UTS2: variants seen among roughly 807,000 people sequenced by gnomAD.
UTS2 encodes the protein urotensin 2.
A neutral mutation model predicts 12.6 loss-of-function variants in UTS2; 10 were observed. That is an observed-to-expected ratio of 0.80 (90% confidence interval 0.49 to 1.35). The LOEUF is 1.35. Among genes scored for constraint, UTS2 ranks in the 40% most tolerant of loss-of-function variants. The pLI is 0.00. For missense variants in UTS2, 142 were observed against 143.2 expected (o/e 0.99, Z 0.04); for synonymous variants, 52 against 50.0 (o/e 1.04, Z -0.17).
chr1:7,863,120 ATTGTAT>A, the UTS2 span, among the ~76,000 whole-genome samples: 2 of 149,348 alleles, frequency 1.3e-5, no homozygotes, highest in Admixed American at 6.7e-5. Flanking sequence ...ATTGTATTGT[ATTGTAT>A]TTGAGACGAA....
intron 3 of UTS2, among the ~76,000 whole-genome samples, chr1:7,848,475 A>T (rs923354792): frequency 6.6e-6 from 1 of 151,532 alleles, no homozygotes; most frequent in African/African-American, 2.4e-5. Flanking sequence ...TGTTCTGTGC[A>T]TGTATTGTCT....
At chr1:7,875,850 T>G in the UTS2 span, among the ~76,000 whole-genome samples, 1 of 152,154 alleles carries the variant, frequency 6.6e-6, no homozygotes, top group African/African-American at 2.4e-5. Flanking sequence ...CCATGGCCTC[T>G]GGCACCCATG....
chr1:7,892,222 A>G, the UTS2 span, among the ~76,000 whole-genome samples: 2 of 152,146 alleles, frequency 1.3e-5, no homozygotes, highest in African/African-American at 4.8e-5. Context: ...TTCAAACAAC[A>G]CGATCTTATT....
the UTS2 span, among the ~76,000 whole-genome samples, chr1:7,911,900 C>CAAAGAA: frequency 7.5e-6 from 1 of 133,652 alleles, no homozygotes; most frequent in African/African-American, 2.9e-5. Flanking sequence ...GACTCTGTCT[C>CAAAGAA]AAAAAAAAAA....
At chr1:7,901,857 A>T in the UTS2 span, among the ~76,000 whole-genome samples, 1 of 152,160 alleles carries the variant, frequency 6.6e-6, no homozygotes, top group Non-Finnish European at 1.5e-5. Context: ...CAGATCACGG[A>T]ACGTGTGAGG....
the UTS2 span, among the ~76,000 whole-genome samples, chr1:7,888,990 TA>T: frequency 6.6e-6 from 1 of 151,534 alleles, no homozygotes; most frequent in African/African-American, 2.4e-5. Flanking sequence ...AGTATGCGCA[TA>T]ACTCCTCGAG....
the UTS2 span, among the ~76,000 whole-genome samples, chr1:7,909,508 C>T: frequency 1.5e-5 from 2 of 135,004 alleles, no homozygotes; most frequent in Admixed American, 8.3e-5. Context: ...CGCACCACTA[C>T]ACTACTCCAG....
the UTS2 span, among the ~76,000 whole-genome samples, chr1:7,885,142 C>T: frequency 1.3e-5 from 2 of 151,844 alleles, no homozygotes; most frequent in Non-Finnish European, 2.9e-5. Flanking sequence ...ATCCATCCAT[C>T]CATCCATCCA....
the UTS2 span, among the ~76,000 whole-genome samples, chr1:7,909,941 C>A: frequency 6.6e-6 from 1 of 152,176 alleles, no homozygotes; most frequent in Admixed American, 6.5e-5. Context: ...GCCACAGAAG[C>A]ACACACAGTA....
the UTS2 span, among the ~76,000 whole-genome samples, chr1:7,878,606 G>A: frequency 1.3e-5 from 2 of 152,080 alleles, no homozygotes; most frequent in African/African-American, 2.4e-5. Context: ...CCATGTGCCT[G>A]TAGTCACAGC....
At chr1:7,862,990 G>GTATTGTATTGTATTTA in the UTS2 span, among the ~76,000 whole-genome samples, 4 of 41,356 alleles carry the variant, frequency 9.7e-5, no homozygotes, top group African/African-American at 3.5e-4. Flanking sequence ...ATTGTGTTGT[G>GTATTGTATTGTATTTA]TTGTATTGTA....
chr1:7,893,131 C>G, the UTS2 span, among the ~76,000 whole-genome samples: 15 of 152,250 alleles, frequency 9.9e-5, no homozygotes, highest in South Asian at 3.1e-3. Flanking sequence ...CTATACTATG[C>G]TTATTTACTT....
the UTS2 span, among the ~76,000 whole-genome samples, chr1:7,880,340 G>A: frequency 7.4e-6 from 1 of 134,898 alleles, no homozygotes; most frequent in African/African-American, 2.8e-5. Flanking sequence ...AATCACAAAG[G>A]ATCAAAAAAG....
the UTS2 span, among the ~76,000 whole-genome samples, chr1:7,876,442 G>T: frequency 3.3e-5 from 5 of 152,186 alleles, no homozygotes; most frequent in Non-Finnish European, 7.3e-5. Context: ...CTGCAGAGGG[G>T]GGAGGGCATG....
chr1:7,883,135 G>A, the UTS2 span, among the ~76,000 whole-genome samples: 1 of 152,174 alleles, frequency 6.6e-6, no homozygotes, highest in Admixed American at 6.5e-5. Context: ...ATCAACATGT[G>A]TCCATCAAGG....
At chr1:7,857,572 A>T (rs228637), upstream of UTS2, among the ~76,000 whole-genome samples, 2 of 151,914 alleles carry the variant, frequency 1.3e-5, no homozygotes, top group East Asian at 3.9e-4. Context: ...AAATGTTTTG[A>T]TGCAGCATGG....
chr1:7,862,742 C>T, the UTS2 span, among the ~76,000 whole-genome samples: 3 of 152,108 alleles, frequency 2.0e-5, no homozygotes, highest in Non-Finnish European at 4.4e-5. Flanking sequence ...GGGCATTCAT[C>T]TATTCATCGG....
At chr1:7,875,366 G>A in the UTS2 span, among the ~76,000 whole-genome samples, 1 of 152,190 alleles carries the variant, frequency 6.6e-6, no homozygotes, top group Non-Finnish European at 1.5e-5. Context: ...GAGTCACGGC[G>A]CCCGGCCAAT....
At chr1:7,884,223 T>C in the UTS2 span, among the ~76,000 whole-genome samples, 1 of 152,324 alleles carries the variant, frequency 6.6e-6, no homozygotes, top group Non-Finnish European at 1.5e-5. Flanking sequence ...GCTCAATAAA[T>C]ATTTGCTGGC....
Sources: allele counts gnomAD v4.1 joint callset (sites outside exome capture counted in the v4.1 genomes callset), GRCh38; gene constraint gnomAD v4.1.1; transcripts MANE v1.5; gene names NCBI Gene and HGNC (gene_info 2026-07-23, HGNC 2026-07-21).